CACNA2D3: variants seen among roughly 807,000 people sequenced by gnomAD.
The protein encoded by CACNA2D3 is voltage-dependent calcium channel subunit alpha-2/delta-3.
A neutral mutation model predicts 160.6 loss-of-function variants in CACNA2D3; 60 were observed. The ratio of observed to expected loss-of-function variants is 0.37; its 90% CI spans 0.30 to 0.46. The LOEUF (loss-of-function observed/expected upper bound fraction) is 0.46, where lower values mean the gene tolerates loss of function less well. CACNA2D3 is among the 20% of genes least tolerant of loss of function. The pLI, the probability that CACNA2D3 is intolerant of heterozygous loss-of-function variation, is 1.00. For synonymous variants in CACNA2D3, 558 were observed against 492.9 expected, an observed-to-expected ratio of 1.13 and a Z score of -1.75; for missense variants, 1,205 against 1,365.0, an observed-to-expected ratio of 0.88 and a Z score of 1.85.
At chr3:54,891,309 C>T (rs774104438) in intron 24 of CACNA2D3, 46 bp from the exon 25 acceptor site, 2 of 1,297,926 alleles carry the variant, frequency 1.5e-6, no homozygotes, top group Non-Finnish European at 2.2e-6. Flanking sequence ...GTATTATCTG[C>T]TTACTGTCTA....
chr3:54,541,081 TC>T lies in CACNA2D3; in HGVS notation c.545-21717del, dbSNP rs1164696097. ...TCACGAGGTCAGGATATTGAGACCA[TC>T]CTGGCTAACATGGTGAAACCCCATC... On this transcript the variant is annotated intron_variant, in intron 5 of 37. Transcript: ENST00000474759. Among the ~76,000 whole-genome samples, 9 of 151,838 alleles carry T rather than the reference TC, an allele frequency of 5.9e-5. No individual in the cohort carries two copies. The East Asian group carries it at 1.6e-3, about 26-fold the overall frequency.
At chr3:54,439,190 G>A (rs1684863044) in intron 4 of CACNA2D3, among the ~76,000 whole-genome samples, 1 of 152,170 alleles carries the variant, frequency 6.6e-6, no homozygotes, top group Non-Finnish European at 1.5e-5. Context: ...ACAGCTAGCA[G>A]CCTAGAGCCA....
chr3:54,348,458 C>T (rs913936141), intron 3 of CACNA2D3, among the ~76,000 whole-genome samples: 2 of 152,196 alleles, frequency 1.3e-5, no homozygotes, highest in African/African-American at 4.8e-5. Context: ...TGCTGATGTT[C>T]TGTTATCTAC....
Position 54,527,503 on chromosome 3 carries a change from A to T in CACNA2D3, c.544+23849A>T, listed in dbSNP as rs148324498. On this transcript the variant is annotated intron_variant, in intron 5 of 37. Transcript: ENST00000474759. ...GGGAGTAGTAGCCTCAAGTCTTCTCAGCTTGCCTCTCCCAGTGTGGAGCGT... is the reference window on the plus strand; with the variant it reads ...GGGAGTAGTAGCCTCAAGTCTTCTCTGCTTGCCTCTCCCAGTGTGGAGCGT... Among the ~76,000 whole-genome samples the T allele has an allele frequency of 6.2e-3, 948 of 152,238 alleles. 9 individuals are homozygous for T. The highest frequency in any genetic ancestry group is 0.02 in the African/African-American group (842 of 41,534).
At chr3:54,241,348 A>G (rs1191505513) in intron 2 of CACNA2D3, among the ~76,000 whole-genome samples, 1 of 152,188 alleles carries the variant, frequency 6.6e-6, no homozygotes, top group Non-Finnish European at 1.5e-5. Context: ...CCTACAGAGC[A>G]GTAGGTTCTA....
chr3:54,463,687 A>G (rs879938104), intron 4 of CACNA2D3, among the ~76,000 whole-genome samples: 4 of 152,184 alleles, frequency 2.6e-5, no homozygotes, highest in Non-Finnish European at 5.9e-5. Flanking sequence ...TTTTAATCAA[A>G]GTTTTTAACT....
At chr3:55,014,667 G>A (rs764212828) in intron 34 of CACNA2D3, among the ~76,000 whole-genome samples, 1 of 152,138 alleles carries the variant, frequency 6.6e-6, no homozygotes, top group Non-Finnish European at 1.5e-5. Flanking sequence ...AGGAGGCGGA[G>A]GTTGCAGTGA....
chr3:54,853,595 A>G (rs1197776578), intron 17 of CACNA2D3, among the ~76,000 whole-genome samples: 2 of 152,178 alleles, frequency 1.3e-5, no homozygotes, highest in Non-Finnish European at 2.9e-5. Flanking sequence ...ACATAGAAGC[A>G]GGTAGAAGGA....
chr3:54,937,378 AG>A (rs1163614882), intron 27 of CACNA2D3, among the ~76,000 whole-genome samples: 20 of 152,172 alleles, frequency 1.3e-4, no homozygotes. Context: ...TCGGTATATG[AG>A]GGGGATTGGT....
chr3:54,529,971 C>A (rs1701782500), intron 5 of CACNA2D3, among the ~76,000 whole-genome samples: 2 of 152,176 alleles, frequency 1.3e-5, no homozygotes, highest in African/African-American at 4.8e-5. Context: ...AGGGAGCTGG[C>A]TGCCAGGCTG....
At chr3:54,501,841 G>A (rs1701299495) in intron 4 of CACNA2D3, among the ~76,000 whole-genome samples, 1 of 152,116 alleles carries the variant, frequency 6.6e-6, no homozygotes, top group Non-Finnish European at 1.5e-5. Flanking sequence ...CTTCATTTTT[G>A]TTTGCCTGAG....
intron 35 of CACNA2D3, among the ~76,000 whole-genome samples, chr3:55,051,412 T>A (rs1365295182): frequency 6.6e-6 from 1 of 152,162 alleles, no homozygotes; most frequent in African/African-American, 2.4e-5. Context: ...CCAGTTAGGC[T>A]GCCCGGGCGT....
intron 5 of CACNA2D3, among the ~76,000 whole-genome samples, chr3:54,556,796 A>G (rs2106695796): frequency 6.6e-6 from 1 of 152,322 alleles, no homozygotes; most frequent in East Asian, 1.9e-4. Context: ...CAGCTCAGCC[A>G]CCATGGAGGG....
At chr3:54,219,565 C>G (rs181061385) in intron 2 of CACNA2D3, among the ~76,000 whole-genome samples, 2 of 152,144 alleles carry the variant, frequency 1.3e-5, no homozygotes, top group African/African-American at 2.4e-5. Context: ...TCTCTTCCTT[C>G]GGGGGGATTT....
In CACNA2D3 at chr3:54,752,548, A is replaced by G. The variant is rs542218812; in HGVS notation, c.1168-51A>G. On this transcript the variant is annotated intron_variant, in intron 11 of 37. Coordinates refer to ENST00000474759, the MANE Select transcript of CACNA2D3 (RefSeq NM_018398.3). The stretch of plus-strand genomic sequence containing the variant: ...TGTGAGCCATGCATGTGATCTGTGC[A>G]GGATGGCGAAAAGTGAATGCCGCTC... 7.0e-6 allele frequency: 9 copies of G among 1,283,210 alleles called. 1 individual carries two copies. Among genetic ancestry groups the G allele is most frequent in the Middle Eastern group, 3.7e-4 (2 of 5,418 alleles). 79.5% of individuals were successfully genotyped at this position (1,283,210 alleles called of 1,614,324 possible).
At chr3:54,390,985 G>A (rs950047236) in intron 4 of CACNA2D3, among the ~76,000 whole-genome samples, 9 of 146,918 alleles carry the variant, frequency 6.1e-5, no homozygotes, top group African/African-American at 2.2e-4. Context: ...ACAGGGAGCT[G>A]GAAGTCTGTT....
chr3:54,677,215 T>C (rs1394910229), intron 11 of CACNA2D3, among the ~76,000 whole-genome samples: 2 of 152,244 alleles, frequency 1.3e-5, no homozygotes, highest in South Asian at 2.1e-4. Context: ...ATGAGTCTTA[T>C]ACCCATTTAC....
intron 4 of CACNA2D3, among the ~76,000 whole-genome samples, chr3:54,462,686 G>A (rs957366237): frequency 4.6e-5 from 7 of 152,032 alleles, no homozygotes; most frequent in Non-Finnish European, 8.8e-5. Flanking sequence ...TGTGAGATGG[G>A]TTTCCTGAAT....
At chr3:54,563,759 T>A (rs934670432) in intron 6 of CACNA2D3, among the ~76,000 whole-genome samples, 2 of 152,030 alleles carry the variant, frequency 1.3e-5, no homozygotes. Context: ...TTAAGTGAAG[T>A]CTTTCATGTT....
Sources: allele counts gnomAD v4.1 joint callset (sites outside exome capture counted in the v4.1 genomes callset), GRCh38; gene constraint gnomAD v4.1.1; transcripts MANE v1.5; gene names NCBI Gene and HGNC (gene_info 2026-07-23, HGNC 2026-07-21).